Variants in EXOC4 observed in about 807,000 individuals in gnomAD.
The protein encoded by EXOC4 is SEC8-like 1.
Under a neutral mutation model 107.2 loss-of-function variants are expected in EXOC4, and 71 were observed. The observed-to-expected ratio is 0.66, with a 90% CI of 0.55 to 0.81. EXOC4 has a LOEUF of 0.81. Among genes scored for constraint, EXOC4 ranks in the 30% least tolerant of loss-of-function variants. The probability of loss-of-function intolerance (pLI) is 0.00; values close to 1 mark genes in which losing one functional copy is unlikely to be tolerated. For synonymous variants in EXOC4, 456 were observed against 441.2 expected, an observed-to-expected ratio of 1.03 and a Z score of -0.42; for missense variants, 1,108 against 1,189.6, an observed-to-expected ratio of 0.93 and a Z score of 1.01.
chr7:133,666,609 T>C (rs1793819481), intron 10 of EXOC4, among the ~76,000 whole-genome samples: 1 of 152,212 alleles, frequency 6.6e-6, no homozygotes, highest in Non-Finnish European at 1.5e-5. Flanking sequence ...TACTGTCAGC[T>C]TTTTGGTAGC....
At chr7:133,264,674 CATAATTCTGAGTA>C (rs1562993822) in intron 1 of EXOC4, among the ~76,000 whole-genome samples, 2 of 152,040 alleles carry the variant, frequency 1.3e-5, no homozygotes, top group African/African-American at 4.8e-5. Flanking sequence ...ACATTAAACT[CATAATTCTGAGTA>C]ACTCAGAATT....
intron 7 of EXOC4, among the ~76,000 whole-genome samples, chr7:133,385,621 G>T (rs1563045616): frequency 6.6e-6 from 1 of 152,140 alleles, no homozygotes; most frequent in Non-Finnish European, 1.5e-5. Context: ...TTTTTTATAT[G>T]TTATTAATCC....
At chr7:133,312,766 C>CT (rs771936211) in intron 4 of EXOC4, among the ~76,000 whole-genome samples, 3 of 151,556 alleles carry the variant, frequency 2.0e-5, no homozygotes, top group Non-Finnish European at 4.4e-5. Flanking sequence ...TACCACTGTG[C>CT]TTGGCCTTGA....
intron 9 of EXOC4, among the ~76,000 whole-genome samples, chr7:133,562,704 G>A (rs559397689): frequency 6.6e-6 from 1 of 152,336 alleles, no homozygotes; most frequent in East Asian, 1.9e-4. Context: ...CTGAGTCATT[G>A]TAGTTTCTAA....
At chr7:133,923,700 C>A (rs375955035) in intron 13 of EXOC4, among the ~76,000 whole-genome samples, 1 of 152,292 alleles carries the variant, frequency 6.6e-6, no homozygotes, top group Admixed American at 6.5e-5. Flanking sequence ...TCCCACTGTA[C>A]AGGCCACCTT....
chr7:133,474,033 G>T (rs1038929741), intron 7 of EXOC4, among the ~76,000 whole-genome samples: 1 of 152,056 alleles, frequency 6.6e-6, no homozygotes, highest in South Asian at 2.1e-4. Context: ...AATTCATTCA[G>T]CTACTGTGTG....
Position 133,371,762 on chromosome 7 carries a change from C to T in EXOC4, c.1008-3066C>T, listed in dbSNP as rs184392612. 4.2e-4 allele frequency among the ~76,000 whole-genome samples: 64 copies of T among 152,294 alleles called. No individual in the cohort carries two copies. In the East Asian group the frequency reaches 6.2e-3, roughly 15 times the overall value. Reference sequence around the variant, plus strand: ...TTGGGCATATAGCTAGGAATGGAATCACTGGCTCCATATGGTAACTATGTT... The same window carrying T: ...TTGGGCATATAGCTAGGAATGGAATTACTGGCTCCATATGGTAACTATGTT... On this transcript the variant is annotated intron_variant, in intron 6 of 17. Transcript: ENST00000253861.
At chr7:133,559,348 AAC>A (rs1330982537) in intron 9 of EXOC4, among the ~76,000 whole-genome samples, 2 of 152,164 alleles carry the variant, frequency 1.3e-5, no homozygotes, top group Admixed American at 6.5e-5. Flanking sequence ...TAATACTGAA[AAC>A]ACACATTTTT....
At chr7:134,031,120 C>T (rs937037008) in intron 17 of EXOC4, among the ~76,000 whole-genome samples, 3 of 152,004 alleles carry the variant, frequency 2.0e-5, no homozygotes, top group African/African-American at 4.8e-5. Context: ...TGGAGAATAG[C>T]GGGGAAGGGG....
At chr7:133,363,432 C>T (rs568583736) in intron 6 of EXOC4, among the ~76,000 whole-genome samples, 1 of 152,172 alleles carries the variant, frequency 6.6e-6, no homozygotes, top group Non-Finnish European at 1.5e-5. Context: ...TATACAGTGT[C>T]TGAGAAATGT....
intron 10 of EXOC4, among the ~76,000 whole-genome samples, chr7:133,724,047 G>A (rs1032151735): frequency 6.6e-6 from 1 of 152,048 alleles, no homozygotes; most frequent in Non-Finnish European, 1.5e-5. Flanking sequence ...TGCTAGTCAG[G>A]CCAGTTTAAC....
At chr7:133,370,784 A>G (rs1796358108) in intron 6 of EXOC4, among the ~76,000 whole-genome samples, 1 of 152,186 alleles carries the variant, frequency 6.6e-6, no homozygotes, top group Non-Finnish European at 1.5e-5. Context: ...AATTTAGACG[A>G]AGGAAACTTG....
intron 11 of EXOC4, among the ~76,000 whole-genome samples, chr7:133,873,969 T>C (rs749896887): frequency 3.2e-4 from 49 of 152,216 alleles, no homozygotes; most frequent in Non-Finnish European, 5.1e-4. Context: ...GTTTAGTTAA[T>C]CAGAATGCAT....
chr7:133,491,076 G>C (rs1353235788), intron 9 of EXOC4, among the ~76,000 whole-genome samples: 4 of 152,152 alleles, frequency 2.6e-5, no homozygotes, highest in African/African-American at 9.7e-5. Flanking sequence ...GCAGAGCTCT[G>C]TGTGCTCACA....
At chr7:133,598,367 C>T (rs530586981) in intron 9 of EXOC4, among the ~76,000 whole-genome samples, 37 of 152,262 alleles carry the variant, frequency 2.4e-4, no homozygotes, top group Non-Finnish European at 4.6e-4. Flanking sequence ...GAAAGCTGTG[C>T]CAATATCAGC....
chr7:133,746,394 A>G (rs1795678450), intron 10 of EXOC4, among the ~76,000 whole-genome samples: 1 of 152,066 alleles, frequency 6.6e-6, no homozygotes, highest in Non-Finnish European at 1.5e-5. Flanking sequence ...TTTTAATTCC[A>G]AAAATTGTAG....
At chr7:133,650,937 G>GTGTTTTTT (rs1803130151) in intron 10 of EXOC4, among the ~76,000 whole-genome samples, 3 of 88,694 alleles carry the variant, frequency 3.4e-5, no homozygotes, top group Non-Finnish European at 6.7e-5. Flanking sequence ...AGATTGGTCA[G>GTGTTTTTT]TTTTTTTTTT....
At chr7:133,334,257 A>AT (rs1378257540) in intron 5 of EXOC4, among the ~76,000 whole-genome samples, 2 of 151,580 alleles carry the variant, frequency 1.3e-5, no homozygotes, top group Admixed American at 1.3e-4. Flanking sequence ...TTTCCTTCCT[A>AT]TTTTTTCCGT....
At chr7:133,417,045 C>G (rs1175766459) in intron 7 of EXOC4, among the ~76,000 whole-genome samples, 2 of 152,036 alleles carry the variant, frequency 1.3e-5, no homozygotes, top group Non-Finnish European at 2.9e-5. Context: ...ATGATGAGGT[C>G]TATATGATTA....
Sources: allele counts gnomAD v4.1 joint callset (sites outside exome capture counted in the v4.1 genomes callset), GRCh38; gene constraint gnomAD v4.1.1; transcripts MANE v1.5; gene names NCBI Gene and HGNC (gene_info 2026-07-23, HGNC 2026-07-21).